MRC1: variants seen among roughly 807,000 people sequenced by gnomAD.
The protein encoded by MRC1 is macrophage mannose receptor 1.
Under a neutral mutation model 102.9 loss-of-function variants are expected in MRC1, and 62 were observed. The ratio of observed to expected loss-of-function variants is 0.60; its 90% CI spans 0.49 to 0.74. The LOEUF (loss-of-function observed/expected upper bound fraction) is 0.74, where lower values mean the gene tolerates loss of function less well. MRC1 is among the 30% of genes least tolerant of loss of function. MRC1 has a pLI of 0.00. For synonymous variants in MRC1, 457 were observed against 298.4 expected (o/e 1.53, Z -5.48); for missense variants, 1,237 against 862.8 (o/e 1.43, Z -5.43).
In MRC1 at chr10:17,870,360, T is replaced by A; in HGVS notation, c.2098T>A (p.Trp700Arg). 1.3e-6 allele frequency: 1 copy of A among 780,392 alleles called. No individual in the cohort carries two copies. Among genetic ancestry groups the A allele is most frequent in the Non-Finnish European group, 2.4e-6 (1 of 417,650 alleles). The allele number at this position is 780,392 out of a possible 1,614,324, so 48.3% of individuals were successfully genotyped here. A position where few individuals can be genotyped will look rare whatever the true frequency, so the allele number is the denominator to read the frequency against. ...INNKEEQQTI[W>R]RLITASGSYH... is the part of the protein sequence containing the mutation. ...TAACAAAGAGGAACAGCAAACAATA[T>A]GGCGATTAATAACGTAAGTGGTATT... is the stretch of plus-strand genomic sequence containing the variant. The change falls in exon 13 of 30, where the codon TGG becomes AGG. Residue 700 changes from tryptophan to arginine, a missense_variant. Physicochemically the swap from Trp to Arg is moderately radical, Grantham distance 101. Transcript: ENST00000569591.
In MRC1 at chr10:17,910,563, T is replaced by C; in HGVS notation, c.*98T>C. 1 of 774,454 alleles carries C rather than the reference T, an allele frequency of 1.3e-6. No homozygotes were observed. The highest frequency in any genetic ancestry group is 2.4e-5 in the East Asian group (1 of 41,212). The allele number at this position is 774,454 out of a possible 1,614,324, so 48.0% of individuals were successfully genotyped here. ...TGATTGTTTTCTTTAAAATGAGTAC[T>C]GAATTGTACTGGTCTGTCCTTTTTT... On this transcript the variant is annotated 3_prime_UTR_variant, in exon 30 of 30. Coordinates refer to ENST00000569591, the MANE Select transcript of MRC1 (RefSeq NM_002438.4).
At chr10:17,894,394 C>CTTTTTTTTTTTTTTTTTTTTTTT (rs34625338) in intron 23 of MRC1, 82 bp downstream of exon 23, 3 of 406,294 alleles carry the variant, frequency 7.4e-6, no homozygotes, top group African/African-American at 3.5e-5. Context: ...TTCTTTCTTT[C>CTTTTTTTTTTTTTTTTTTTTTTT]TTTTTTTTTT....
chr10:17,848,684 C>A (rs1418010246), intron 6 of MRC1, among the ~76,000 whole-genome samples: 1 of 152,150 alleles, frequency 6.6e-6, no homozygotes, highest in South Asian at 2.1e-4. Context: ...AAAATTTTCA[C>A]CTATATGGGT....
chr10:17,909,291 T>C lies in MRC1; in HGVS notation c.4079-15T>C. The C allele has an allele frequency of 1.2e-6, 1 of 866,158 alleles. No homozygotes were observed. Among genetic ancestry groups the C allele is most frequent in the Non-Finnish European group, 2.0e-6 (1 of 497,588 alleles). 53.7% of individuals were successfully genotyped at this position (866,158 alleles called of 1,614,324 possible). A position where few individuals can be genotyped will look rare whatever the true frequency, so the allele number is the denominator to read the frequency against. On this transcript the variant is annotated splice_polypyrimidine_tract_variant and intron_variant, in intron 28 of 29. Transcript: ENST00000569591. ...TATTCTGGGTTTTTATAAATTTTTTTTTTTTTACACACAGTTATTGATGCT... is the reference window on the plus strand; with the variant it reads ...TATTCTGGGTTTTTATAAATTTTTTCTTTTTTACACACAGTTATTGATGCT...
chr10:17,894,984 T>G (rs1461469592), intron 23 of MRC1, among the ~76,000 whole-genome samples: 1 of 152,140 alleles, frequency 6.6e-6, no homozygotes, highest in Admixed American at 6.5e-5. Flanking sequence ...ACCAGCCTGG[T>G]TAACACAGTG....
At position 17,863,652 on chromosome 10, in the gene MRC1, C is replaced by G; in HGVS notation, c.1753C>G (p.Arg585Gly). ...TCAGTGGACCATCGAGGAAGAGGTT[C>G]GGTTCACCCACTGGAATTCAGATAT... is the stretch of plus-strand genomic sequence containing the variant. ...TFQWTIEEEV[R>G]FTHWNSDMPG... The change falls in exon 11 of 30, where the codon CGG (arginine) becomes GGG (glycine). Residue 585 changes from arginine to glycine, a missense_variant. By Grantham distance (125) the Arg-to-Gly change is moderately radical. Coordinates refer to ENST00000569591, the MANE Select transcript of MRC1 (RefSeq NM_002438.4). 1 of 780,788 alleles carries G rather than the reference C, an allele frequency of 1.3e-6. No individual in the cohort carries two copies. The highest frequency in any genetic ancestry group is 2.4e-6 in the Non-Finnish European group (1 of 417,954). The allele number at this position is 780,788 out of a possible 1,614,324, so 48.4% of individuals were successfully genotyped here. A position where few individuals can be genotyped will look rare whatever the true frequency, so the allele number is the denominator to read the frequency against.
In MRC1 at chr10:17,849,625, C is replaced by T. The variant is rs782295458; in HGVS notation, c.1110C>T (p.Ala370=). ...THCPSQWWPY[A]GHCYKIHRDE... ...GTCCTAGTCAGTGGTGGCCGTATGC[C>T]GGTCACTGTTACAAGATTCACAGAG... Residue 370 remains alanine, a synonymous_variant, in exon 7 of 30, where the codon GCC becomes GCT. Transcript: ENST00000569591. The T allele has an allele frequency of 4.4e-5, 34 of 780,684 alleles. No homozygotes were observed. Among genetic ancestry groups the T allele is most frequent in the South Asian group, 1.1e-4 (8 of 74,596 alleles). 48.4% of individuals were successfully genotyped at this position (780,684 alleles called of 1,614,324 possible). A position where few individuals can be genotyped will look rare whatever the true frequency, so the allele number is the denominator to read the frequency against.
intron 27 of MRC1, 101 bp downstream of exon 27, chr10:17,907,100 T>C (rs910258658): frequency 1.4e-6 from 1 of 719,858 alleles, no homozygotes; most frequent in Non-Finnish European, 2.5e-6. Flanking sequence ...AATGATTAAT[T>C]CATGAGGAAT....
chr10:17,909,592 A>G (rs1164374546), intron 29 of MRC1, among the ~76,000 whole-genome samples: 1 of 151,696 alleles, frequency 6.6e-6, no homozygotes, highest in Non-Finnish European at 1.5e-5. Flanking sequence ...TGTTACAAAC[A>G]GCTGCCTTGA....
At chr10:17,817,305 C>A (rs1419813819) in intron 1 of MRC1, among the ~76,000 whole-genome samples, 2 of 149,142 alleles carry the variant, frequency 1.3e-5, no homozygotes, top group Non-Finnish European at 3.0e-5. Context: ...GATGTTTAGT[C>A]TTTAATCATT....
chr10:17,861,366 A>T (rs1458108932), intron 9 of MRC1, 21 bp from the exon 10 acceptor site: 3 of 854,100 alleles, frequency 3.5e-6, no homozygotes, highest in Non-Finnish European at 6.2e-6. Flanking sequence ...TCATTTATTC[A>T]CTGCTTGATA....
intron 12 of MRC1, among the ~76,000 whole-genome samples, chr10:17,868,854 G>T (rs1833315796): frequency 6.6e-6 from 1 of 152,208 alleles, no homozygotes; most frequent in Admixed American, 6.5e-5. Flanking sequence ...AGAAGGCGAT[G>T]TATTGGGCTA....
Position 17,879,629 on chromosome 10 carries a change from C to T in MRC1, c.2619-92C>T, listed in dbSNP as rs34670919. The stretch of plus-strand genomic sequence containing the variant: ...CCACTCGCCTCGGCCTCCCATGGTG[C>T]TGGGATTACAGGCGTGAGCCACTGC... On this transcript the variant is annotated intron_variant, in intron 18 of 29. Transcript: ENST00000569591. The T allele has an allele frequency of 9.4e-4, 731 of 780,332 alleles. 1 individual carries two copies. In the African/African-American group the frequency reaches 0.01, roughly 11 times the overall value. The allele number at this position is 780,332 out of a possible 1,614,324, so 48.3% of individuals were successfully genotyped here. A position where few individuals can be genotyped will look rare whatever the true frequency, so the allele number is the denominator to read the frequency against.
intron 8 of MRC1, among the ~76,000 whole-genome samples, chr10:17,854,577 G>A (rs1833049858): frequency 6.6e-6 from 1 of 152,182 alleles, no homozygotes; most frequent in African/African-American, 2.4e-5. Flanking sequence ...TAAAACCAAA[G>A]TGGCAATTTA....
At chr10:17,845,856 G>A (rs1024775471) in intron 6 of MRC1, among the ~76,000 whole-genome samples, 60 of 152,220 alleles carry the variant, frequency 3.9e-4, no homozygotes, top group African/African-American at 1.1e-3. Context: ...TCAGTGTAGC[G>A]TCTTATACTA....
At chr10:17,892,528 C>T (rs1450790263) in intron 22 of MRC1, among the ~76,000 whole-genome samples, 1 of 152,182 alleles carries the variant, frequency 6.6e-6, no homozygotes, top group Non-Finnish European at 1.5e-5. Flanking sequence ...TGTTGATGTT[C>T]AGCTTTTCTC....
At chr10:17,828,472 A>G (rs1838518541) in intron 3 of MRC1, among the ~76,000 whole-genome samples, 1 of 151,440 alleles carries the variant, frequency 6.6e-6, no homozygotes, top group African/African-American at 2.5e-5. Context: ...TAGGCATGCT[A>G]TTATTCCCTC....
At chr10:17,824,630 C>A (rs1402618601) in intron 2 of MRC1, among the ~76,000 whole-genome samples, 2 of 151,928 alleles carry the variant, frequency 1.3e-5, no homozygotes, top group Admixed American at 1.3e-4. Flanking sequence ...GAGGGGCAAG[C>A]TAAGTGAACA....
chr10:17,881,834 GTTTTTTTTTTTT>G (rs1159143035), intron 21 of MRC1, among the ~76,000 whole-genome samples: 81 of 61,884 alleles, frequency 1.3e-3, no homozygotes, highest in African/African-American at 5.2e-3. Flanking sequence ...ATTTTTTAAA[GTTTTTTTTTTTT>G]TTTTTTTTTT....
Sources: gnomAD v4.1 joint callset for allele counts (sites outside exome capture counted in the v4.1 genomes callset) on GRCh38, gnomAD v4.1.1 for gene constraint, MANE v1.5 for transcripts, NCBI Gene and HGNC (gene_info 2026-07-23, HGNC 2026-07-21) for gene names.